IGF2: variants seen among roughly 807,000 people sequenced by gnomAD.
The protein encoded by IGF2 is insulin like growth factor 2, also known as insulin-like growth factor 2.
In IGF2, 2 loss-of-function variants were observed where a neutral mutation model predicts 12.0. The observed-to-expected ratio is 0.17, with a 90% CI of 0.07 to 0.52. IGF2 has a LOEUF of 0.52. Ranked by LOEUF, IGF2 falls within the 20% of genes least tolerant of loss-of-function variation. The probability of loss-of-function intolerance (pLI) is 0.95; values close to 1 mark genes in which losing one functional copy is unlikely to be tolerated. For missense variants in IGF2, 211 were observed against 268.0 expected (o/e 0.79, Z 1.48); for synonymous variants, 105 against 110.1 (o/e 0.95, Z 0.29).
At position 2,131,057 on chromosome 11, in the gene IGF2, G is replaced by T. The variant is rs1235711158; in HGVS notation, c.*1930C>A. The T allele has an allele frequency of 4.3e-6, 1 of 232,140 alleles. No homozygotes were observed. The highest frequency in any genetic ancestry group is 2.2e-5 in the African/African-American group (1 of 45,190). 14.4% of individuals were successfully genotyped at this position (232,140 alleles called of 1,614,324 possible). ...AACACACAGTAAGTAAGGTGTATCG[G>T]GAATGGGTGGGGTATGGGGAGCATC... is the stretch of plus-strand genomic sequence containing the variant. On this transcript the variant is annotated 3_prime_UTR_variant, in exon 4 of 4. Coordinates refer to ENST00000416167, the MANE Select transcript of IGF2 (RefSeq NM_000612.6).
Position 2,138,657 on chromosome 11 carries a change from T to C in IGF2, c.-435A>G. 1 of 960,602 alleles carries C rather than the reference T, an allele frequency of 1.0e-6. No homozygotes were observed. The highest frequency in any genetic ancestry group is 1.2e-6 in the Non-Finnish European group (1 of 823,730). 59.5% of individuals were successfully genotyped at this position (960,602 alleles called of 1,614,324 possible). ...ACAGCACGGAGAGAAACAGAAAGCG[T>C]GTAATTAATCCACTTTGGTTCGGCG... On this transcript the variant is annotated 5_prime_UTR_variant, in exon 1 of 4. Coordinates refer to ENST00000416167, the MANE Select transcript of IGF2 (RefSeq NM_000612.6).
the IGF2 span, chr11:2,147,135 G>A: frequency 7.3e-4 from 113 of 155,462 alleles, no homozygotes; most frequent in Non-Finnish European, 1.3e-3. This position sits in a 1 kb window ranked among gnomAD's most constrained non-coding sequence, Gnocchi z 7.2. Context: ...GCCTGGGGCG[G>A]GGAGAACCCG....
At position 2,139,047 on chromosome 11, in the gene IGF2, G is replaced by C; in HGVS notation, c.-825C>G. The stretch of plus-strand genomic sequence containing the variant: ...GCCCGAGGCTGCGCGCCGGGGGGAG[G>C]GCTGGAGGGGGAGCGCGGGGGGGGG... On this transcript the variant is annotated 5_prime_UTR_variant, in exon 1 of 4. Transcript: ENST00000416167. 1.7e-6 allele frequency: 1 copy of C among 586,454 alleles called. No homozygotes were observed. The highest frequency in any genetic ancestry group is 2.1e-6 in the Non-Finnish European group (1 of 476,922). The allele number at this position is 586,454 out of a possible 1,614,324, so 36.3% of individuals were successfully genotyped here. A position where few individuals can be genotyped will look rare whatever the true frequency, so the allele number is the denominator to read the frequency against.
chr11:2,137,353 A>AC (rs969007296), intron 1 of IGF2: 5 of 608,070 alleles, frequency 8.2e-6, no homozygotes, highest in African/African-American at 6.4e-5. Flanking sequence ...GCTCCACCCT[A>AC]CCCCCCACCC....
intron 2 of IGF2, chr11:2,134,082 TG>T (rs1858816850): frequency 2.2e-6 from 1 of 463,410 alleles, no homozygotes; most frequent in East Asian, 6.5e-5. Flanking sequence ...CCTAGGAGGC[TG>T]GAGGGGCCCA....
upstream of IGF2, among the ~76,000 whole-genome samples, chr11:2,141,411 G>C (rs975953806): frequency 2.0e-5 from 3 of 152,180 alleles, no homozygotes; most frequent in African/African-American, 7.2e-5. Context: ...ATAGATTACA[G>C]GTTTGGGGGA....
At chr11:2,145,478 C>T (rs1004806883), upstream of IGF2, among the ~76,000 whole-genome samples, 2 of 152,222 alleles carry the variant, frequency 1.3e-5, no homozygotes, top group South Asian at 2.1e-4. Flanking sequence ...GGGGTGAGCC[C>T]CAGTTCCGAG....
chr11:2,144,996 C>G (rs1049549002), upstream of IGF2, among the ~76,000 whole-genome samples: 4 of 152,122 alleles, frequency 2.6e-5, no homozygotes, highest in Non-Finnish European at 5.9e-5. Flanking sequence ...ATTAGCTTGG[C>G]AAGACAGGGA....
Position 2,129,254 on chromosome 11 carries a change from G to A in IGF2, c.*3733C>T, listed in dbSNP as rs1281908161. On this transcript the variant is annotated 3_prime_UTR_variant, in exon 4 of 4. Transcript: ENST00000416167. The surrounding 1 kb of genome is among the most constrained non-coding windows in gnomAD (Gnocchi z 8.1). ...CACGGGCCGCAAGGTGGACCGAGGC[G>A]GCAGGCACAGGTGACATTCAGTGTT... The A allele has an allele frequency of 1.5e-5, 3 of 206,044 alleles. No homozygotes were observed. The highest frequency in any genetic ancestry group is 2.3e-5 in the African/African-American group (1 of 43,820). 12.8% of individuals were successfully genotyped at this position (206,044 alleles called of 1,614,324 possible).
In IGF2 at chr11:2,129,333, C is replaced by T. The variant is rs1381819603; in HGVS notation, c.*3654G>A. 4.5e-6 allele frequency: 1 copy of T among 220,750 alleles called. No individual in the cohort carries two copies. The highest frequency in any genetic ancestry group is 2.2e-5 in the African/African-American group (1 of 44,542). The allele number at this position is 220,750 out of a possible 1,614,324, so 13.7% of individuals were successfully genotyped here. On this transcript the variant is annotated 3_prime_UTR_variant, in exon 4 of 4. Coordinates refer to ENST00000416167, the MANE Select transcript of IGF2 (RefSeq NM_000612.6). This position sits in a 1 kb window ranked among gnomAD's most constrained non-coding sequence, Gnocchi z 8.1. ...AGGAGGGGACCCAAGAGGGGGCCCC[C>T]CACTGAAGACATTGGGGACACGGGG...
upstream of IGF2, chr11:2,140,408 G>T (rs975537632): frequency 2.4e-5 from 24 of 1,003,556 alleles, no homozygotes; most frequent in South Asian, 1.8e-4. Context: ...CTAGCCAAGG[G>T]GAAGGGGCCG....
In IGF2 at chr11:2,131,104, G is replaced by C. The variant is rs979053892; in HGVS notation, c.*1883C>G. On this transcript the variant is annotated 3_prime_UTR_variant, in exon 4 of 4. Coordinates refer to ENST00000416167, the MANE Select transcript of IGF2 (RefSeq NM_000612.6). ...CATCGTGGCTCACGCTGCGGGGGCC[G>C]TGGGGACAGGCGCCAAGGAGGCCAG... 4.3e-6 allele frequency: 1 copy of C among 232,892 alleles called. No individual in the cohort carries two copies. Among genetic ancestry groups the C allele is most frequent in the Non-Finnish European group, 8.5e-6 (1 of 117,972 alleles). 14.4% of individuals were successfully genotyped at this position (232,892 alleles called of 1,614,324 possible). A position where few individuals can be genotyped will look rare whatever the true frequency, so the allele number is the denominator to read the frequency against.
Position 2,130,033 on chromosome 11 carries a change from G to C in IGF2, c.*2954C>G. The C allele has an allele frequency of 4.3e-6, 1 of 230,190 alleles. No homozygotes were observed. 14.3% of individuals were successfully genotyped at this position (230,190 alleles called of 1,614,324 possible). A position where few individuals can be genotyped will look rare whatever the true frequency, so the allele number is the denominator to read the frequency against. ...CCCCCAAGAGGTCCCACAGAGCTTC[G>C]GACCTCCTGGAGACAAGGCAGGGTG... On this transcript the variant is annotated 3_prime_UTR_variant, in exon 4 of 4. Transcript: ENST00000416167.
the IGF2 span, chr11:2,148,949 C>T: frequency 6.4e-6 from 4 of 620,796 alleles, no homozygotes; most frequent in Non-Finnish European, 1.1e-5. The surrounding 1 kb of genome is among the most constrained non-coding windows in gnomAD (Gnocchi z 4.3). Context: ...CTGCACACCC[C>T]ATCCCTGAAG....
the IGF2 span, chr11:2,149,339 G>A: frequency 3.7e-6 from 6 of 1,611,094 alleles, no homozygotes; most frequent in Non-Finnish European, 5.1e-6. Context: ...GAGGGACAAA[G>A]CTGAGGCTGG....
chr11:2,136,844 C>T (rs972085390), intron 1 of IGF2, among the ~76,000 whole-genome samples: 2 of 152,232 alleles, frequency 1.3e-5, no homozygotes, highest in Admixed American at 1.3e-4. Context: ...CGCGCTTCCG[C>T]AACAAGCCCC....
chr11:2,149,389 G>A, the IGF2 span: 1 of 1,527,896 alleles, frequency 6.5e-7, no homozygotes, highest in Non-Finnish European at 9.0e-7. Context: ...TGTTAATACG[G>A]CCCCTACAGA....
rs994905136 is a variant in IGF2, at chr11:2,138,218, A to C, written c.-7+11T>G. 155 of 984,172 alleles carry C rather than the reference A, an allele frequency of 1.6e-4. No homozygotes were observed. The highest frequency in any genetic ancestry group is 1.7e-4 in the Non-Finnish European group (144 of 829,562). 61.0% of individuals were successfully genotyped at this position (984,172 alleles called of 1,614,324 possible). On this transcript the variant is annotated intron_variant, in intron 1 of 3. Coordinates refer to ENST00000416167, the MANE Select transcript of IGF2 (RefSeq NM_000612.6). ...GCCCCGGCCCCGGCCCGGCCCGCAC[A>C]CGCCGCTTACCTGGAAGCCGGCGAC...
In IGF2 at chr11:2,138,518, T is replaced by C; in HGVS notation, c.-296A>G. 1 of 725,332 alleles carries C rather than the reference T, an allele frequency of 1.4e-6. No individual in the cohort carries two copies. The highest frequency in any genetic ancestry group is 1.6e-6 in the Non-Finnish European group (1 of 629,028). The allele number at this position is 725,332 out of a possible 1,614,324, so 44.9% of individuals were successfully genotyped here. ...ATGAGGTCAGCTGTTGTATCAAGGA[T>C]AGAGGGGGGCAGAGATAGTGGGAGA... is the stretch of plus-strand genomic sequence containing the variant. On this transcript the variant is annotated 5_prime_UTR_variant, in exon 1 of 4. Transcript: ENST00000416167.
Sources: gnomAD v4.1 joint callset for allele counts (sites outside exome capture counted in the v4.1 genomes callset) on GRCh38, gnomAD v4.1.1 for gene constraint, Gnocchi (gnomAD v3.1) non-coding constraint, MANE v1.5 for transcripts, NCBI Gene and HGNC (gene_info 2026-07-23, HGNC 2026-07-21) for gene names.